Variants in GAD2 observed in about 807,000 individuals in gnomAD.
The protein encoded by GAD2 is 65 kDa glutamic acid decarboxylase.
GAD2 carries 22 observed loss-of-function variants against 80.1 expected under a neutral mutation model. The observed-to-expected ratio is 0.27, with a 90% CI of 0.20 to 0.39. The LOEUF is 0.39. GAD2 is among the 10% of genes least tolerant of loss of function. The pLI is 1.00. For synonymous variants in GAD2, 274 were observed against 256.9 expected (o/e 1.07, Z -0.64); for missense variants, 624 against 738.4 (o/e 0.85, Z 1.80).
chr10:26,232,213 C>G (rs980457172), intron 7 of GAD2, among the ~76,000 whole-genome samples: 3 of 152,168 alleles, frequency 2.0e-5, no homozygotes, highest in African/African-American at 7.2e-5. Flanking sequence ...ACATTCTCAG[C>G]CTCAAAAAGT....
intron 8 of GAD2, among the ~76,000 whole-genome samples, chr10:26,259,530 A>C (rs973328950): frequency 6.6e-6 from 1 of 151,924 alleles, no homozygotes. Flanking sequence ...TTTTGGAGAA[A>C]TGCTTACTCA....
intron 8 of GAD2, among the ~76,000 whole-genome samples, chr10:26,249,313 C>T (rs1043869606): frequency 3.9e-5 from 6 of 152,192 alleles, no homozygotes; most frequent in East Asian, 3.8e-4. Context: ...CCGTCCGCCT[C>T]GGCCTCTCAA....
rs1304693791 is a variant in GAD2, at chr10:26,279,605, G to A, written c.1158-1404G>A. Among the ~76,000 whole-genome samples the A allele has an allele frequency of 6.6e-5, 10 of 152,272 alleles. No individual in the cohort carries two copies. The East Asian group carries it at 1.2e-3, about 18-fold the overall frequency. On this transcript the variant is annotated intron_variant, in intron 11 of 15. Transcript: ENST00000376261. Reference sequence around the variant, plus strand: ...CCAAGTGAAGGATGAAATGAAGACCGAGTCAGTTATGACACAATTGCTGAA... The same window carrying A: ...CCAAGTGAAGGATGAAATGAAGACCAAGTCAGTTATGACACAATTGCTGAA...
At chr10:26,250,760 A>T (rs935894318) in intron 8 of GAD2, among the ~76,000 whole-genome samples, 5 of 152,204 alleles carry the variant, frequency 3.3e-5, no homozygotes, top group Non-Finnish European at 5.9e-5. Flanking sequence ...TTTTAAAAAA[A>T]AGAAAATAAC....
At chr10:26,297,324 CAT>C (rs1589155973) in intron 15 of GAD2, among the ~76,000 whole-genome samples, 1 of 152,280 alleles carries the variant, frequency 6.6e-6, no homozygotes, top group African/African-American at 2.4e-5. Context: ...TTTTCTAAGA[CAT>C]AGTGAAAAAT....
chr10:26,249,959 G>A (rs542249344), intron 8 of GAD2, among the ~76,000 whole-genome samples: 3 of 152,266 alleles, frequency 2.0e-5, no homozygotes, highest in African/African-American at 2.4e-5. Flanking sequence ...CTGGAGAGCC[G>A]GCGGGACCTA....
Position 26,245,909 on chromosome 10 carries a change from T to TA in GAD2, c.841-12_841-11insA, listed in dbSNP as rs548373661. 7.4e-5 allele frequency: 116 copies of TA among 1,571,916 alleles called. No homozygotes were observed. Among genetic ancestry groups the TA allele is most frequent in the South Asian group, 5.1e-4 (46 of 89,746 alleles). ...ATGGAACTAATTGCAAATATATATA[T>TA]TTTTTTTACAGAGTCATTTTTCTCT... On this transcript the variant is annotated splice_polypyrimidine_tract_variant and intron_variant, in intron 7 of 15. Coordinates refer to ENST00000376261, the MANE Select transcript of GAD2 (RefSeq NM_001134366.2).
chr10:26,245,164 AAAAAAG>A (rs1247285518), intron 7 of GAD2, among the ~76,000 whole-genome samples: 106 of 143,878 alleles, frequency 7.4e-4, no homozygotes, highest in African/African-American at 2.7e-3. Context: ...AAAAAAAAAA[AAAAAAG>A]AAAAAAGAAA....
At chr10:26,290,506 G>A (rs187323396) in intron 13 of GAD2, among the ~76,000 whole-genome samples, 7 of 152,354 alleles carry the variant, frequency 4.6e-5, no homozygotes, top group African/African-American at 1.7e-4. Context: ...TATTATGAAA[G>A]TGAGGGAAAG....
At chr10:26,250,921 C>G (rs1314681271) in intron 8 of GAD2, among the ~76,000 whole-genome samples, 2 of 146,576 alleles carry the variant, frequency 1.4e-5, no homozygotes, top group Non-Finnish European at 3.0e-5. Flanking sequence ...GCTCTGTCGC[C>G]CAGGCTGGAG....
chr10:26,225,858 C>A (rs555629049), intron 6 of GAD2, among the ~76,000 whole-genome samples: 1 of 152,264 alleles, frequency 6.6e-6, no homozygotes, highest in East Asian at 1.9e-4. Context: ...TTTAAGCTAG[C>A]CTTTATTTTT....
chr10:26,293,172 CTTTTTTTTTT>C (rs987030977), intron 15 of GAD2, among the ~76,000 whole-genome samples, 181 bp downstream of exon 15: 1 of 96,452 alleles, frequency 1.0e-5, no homozygotes, highest in African/African-American at 4.2e-5. Flanking sequence ...CATTTTTCTT[CTTTTTTTTTT>C]TTTTTTTTTT....
chr10:26,277,989 G>GT lies in GAD2; in HGVS notation c.1158-3008dup, dbSNP rs112835024. ...AACATTTTGAAATGAACCTGAGGCTGTTTTTTTTTTTTAAATAAATTGCCA... is the reference window on the plus strand; with the variant it reads ...AACATTTTGAAATGAACCTGAGGCTGTTTTTTTTTTTTTAAATAAATTGCCA... On this transcript the variant is annotated intron_variant, in intron 11 of 15. Coordinates refer to ENST00000376261, the MANE Select transcript of GAD2 (RefSeq NM_001134366.2). Among the ~76,000 whole-genome samples the GT allele has an allele frequency of 2.8e-3, 407 of 146,084 alleles. 1 individual carries two copies. Among genetic ancestry groups the GT allele is most frequent in the African/African-American group, 6.2e-3 (250 of 40,340 alleles).
intron 8 of GAD2, among the ~76,000 whole-genome samples, chr10:26,268,817 G>A (rs1346849234): frequency 6.6e-6 from 1 of 152,190 alleles, no homozygotes; most frequent in African/African-American, 2.4e-5. Context: ...AATCAGGCTT[G>A]TTTTAACTGA....
intron 8 of GAD2, among the ~76,000 whole-genome samples, chr10:26,261,009 C>T (rs1311929385): frequency 2.6e-5 from 4 of 152,146 alleles, no homozygotes; most frequent in African/African-American, 9.7e-5. Flanking sequence ...GGGTATCCAT[C>T]CCCTCAAGCA....
rs761147193 is a variant in GAD2, at chr10:26,217,917, C to CCGCCTG, written c.221_226dup (p.Ala74_Cys75dup). The CCGCCTG allele has an allele frequency of 1.9e-6, 3 of 1,611,068 alleles. No homozygotes were observed. Among genetic ancestry groups the CCGCCTG allele is most frequent in the South Asian group, 1.1e-5 (1 of 90,992 alleles). On this transcript the variant is annotated inframe_insertion, in exon 3 of 16. Transcript: ENST00000376261. The surrounding 1 kb of genome is among the most constrained non-coding windows in gnomAD (Gnocchi z 4.9). Reference sequence around the variant, plus strand: ...CCCCCGCGGGCCGCCGCCCGGAAGGCCGCCTGCGCCTGCGACCAGAAGCCC... The same window carrying CCGCCTG: ...CCCCCGCGGGCCGCCGCCCGGAAGGCCGCCTGCGCCTGCGCCTGCGACCAGAAGCCC...
At chr10:26,232,566 G>A (rs530449575) in intron 7 of GAD2, among the ~76,000 whole-genome samples, 18 of 148,778 alleles carry the variant, frequency 1.2e-4, no homozygotes, top group South Asian at 2.1e-4. Context: ...GTGCAGTCTC[G>A]GCTCACTGCA....
intron 4 of GAD2, among the ~76,000 whole-genome samples, chr10:26,223,078 T>C (rs1240329727): frequency 2.0e-5 from 3 of 152,238 alleles, no homozygotes; most frequent in Admixed American, 2.0e-4. Context: ...TCAATCCATT[T>C]AGAGAGTTTT....
At chr10:26,226,614 A>C (rs1193423514) in intron 6 of GAD2, among the ~76,000 whole-genome samples, 1 of 152,196 alleles carries the variant, frequency 6.6e-6, no homozygotes, top group African/African-American at 2.4e-5. Flanking sequence ...CTCCTGCAGT[A>C]AAGGGTCTTA....
Sources: allele counts gnomAD v4.1 joint callset (sites outside exome capture counted in the v4.1 genomes callset), GRCh38; gene constraint gnomAD v4.1.1; non-coding constraint Gnocchi (gnomAD v3.1); transcripts MANE v1.5; gene names NCBI Gene and HGNC (gene_info 2026-07-23, HGNC 2026-07-21).